The following SLC35G2 variants were observed in gnomAD, a reference collection of about 807,000 sequenced individuals.
SLC35G2 encodes the protein solute carrier family 35 member G2.
Under a neutral mutation model 27.2 loss-of-function variants are expected in SLC35G2, and 20 were observed. That is an observed-to-expected ratio of 0.74 (90% CI 0.52 to 1.07). The LOEUF (loss-of-function observed/expected upper bound fraction) is 1.07, where lower values mean the gene tolerates loss of function less well. Among genes scored for constraint, SLC35G2 ranks in the 50% least tolerant of loss-of-function variants. SLC35G2 has a pLI of 0.00. For missense variants in SLC35G2, 416 were observed against 493.3 expected, an observed-to-expected ratio of 0.84 and a Z score of 1.48; for synonymous variants, 148 against 165.3, an observed-to-expected ratio of 0.90 and a Z score of 0.80.
intron 1 of SLC35G2, among the ~76,000 whole-genome samples, chr3:136,820,761 C>T (rs1016698807): frequency 5.9e-5 from 9 of 152,120 alleles, no homozygotes; most frequent in African/African-American, 2.2e-4. Flanking sequence ...CTCTGCAGAG[C>T]CATTTATTTT....
chr3:136,821,840 C>T (rs1339438298), intron 1 of SLC35G2, among the ~76,000 whole-genome samples: 2 of 152,206 alleles, frequency 1.3e-5, no homozygotes, highest in East Asian at 3.8e-4. Context: ...TCTTGCTTGA[C>T]TGAGACTTTA....
At chr3:136,823,590 C>CT (rs984571962) in intron 1 of SLC35G2, among the ~76,000 whole-genome samples, 11 of 151,436 alleles carry the variant, frequency 7.3e-5, no homozygotes, top group African/African-American at 2.4e-4. Context: ...TTTTCTTTTT[C>CT]TTTTTTTTCT....
At chr3:136,829,366 C>T (rs532148172) in intron 1 of SLC35G2, among the ~76,000 whole-genome samples, 48 of 151,984 alleles carry the variant, frequency 3.2e-4, no homozygotes, top group African/African-American at 9.6e-4. Context: ...GGACTTCAGG[C>T]GGCCGCCACT....
chr3:136,826,878 C>T (rs1440926151), intron 1 of SLC35G2, among the ~76,000 whole-genome samples: 1 of 151,926 alleles, frequency 6.6e-6, no homozygotes, highest in African/African-American at 2.4e-5. Context: ...AGCTCAAGTG[C>T]CTGCCTCACC....
chr3:136,850,794 G>A (rs1430562002), intron 1 of SLC35G2, among the ~76,000 whole-genome samples: 3 of 151,900 alleles, frequency 2.0e-5, no homozygotes, highest in Non-Finnish European at 4.4e-5. Flanking sequence ...AGGAGTTTGA[G>A]ACCATCGTGG....
At chr3:136,848,248 A>T (rs1477866426) in intron 1 of SLC35G2, among the ~76,000 whole-genome samples, 1 of 152,244 alleles carries the variant, frequency 6.6e-6, no homozygotes, top group African/African-American at 2.4e-5. Context: ...AGGGACTTTT[A>T]TCACATCTGC....
intron 1 of SLC35G2, among the ~76,000 whole-genome samples, chr3:136,826,545 T>G (rs1293958563): frequency 6.6e-6 from 1 of 152,236 alleles, no homozygotes; most frequent in Non-Finnish European, 1.5e-5. Flanking sequence ...ATTTTCCAAT[T>G]TATTGGCATA....
intron 1 of SLC35G2, among the ~76,000 whole-genome samples, chr3:136,828,621 G>A (rs898391824): frequency 7.9e-5 from 12 of 152,148 alleles, no homozygotes; most frequent in Non-Finnish European, 1.8e-4. Flanking sequence ...TTTGGTCTAT[G>A]TGTCTCTTTA....
In SLC35G2 at chr3:136,854,470, T is replaced by G. The variant is rs766924146; in HGVS notation, c.10T>G (p.Ser4Ala). Residue 4 changes from serine (S) to alanine (A), a missense_variant, in exon 2 of 2, where the codon TCT (serine) becomes GCT (alanine). Coordinates refer to ENST00000446465, the MANE Select transcript of SLC35G2 (RefSeq NM_025246.3). ...TTGATTATCTGAAGAAATGGATACT[T>G]CTCCCTCCAGAAAATATCCAGTTAA... MDTSPSRKYPVKKR... is the reference protein window; with the variant it reads MDTAPSRKYPVKKR... 1 of 1,576,008 alleles carries G rather than the reference T, an allele frequency of 6.3e-7. No individual in the cohort carries two copies. The highest frequency in any genetic ancestry group is 8.6e-7 in the Non-Finnish European group (1 of 1,161,076).
chr3:136,826,960 T>C (rs1936599669), intron 1 of SLC35G2, among the ~76,000 whole-genome samples: 2 of 65,988 alleles, frequency 3.0e-5, no homozygotes. Flanking sequence ...ATTTGGATCT[T>C]CTCTCTTTTT....
At chr3:136,850,619 A>G (rs1654075884) in intron 1 of SLC35G2, among the ~76,000 whole-genome samples, 1 of 152,120 alleles carries the variant, frequency 6.6e-6, no homozygotes, top group Non-Finnish European at 1.5e-5. Flanking sequence ...TTGTTCTGAG[A>G]ATTAGTAAAA....
rs764013927 is a variant in SLC35G2 at position 136,855,166 on chromosome 3, G to C, written c.706G>C (p.Val236Leu). ...TTGCAGCATCTTAGGTGTTTGTCTT[G>C]TCATGATCCCAAACATTGTTGATGA... ...VVCSILGVCL[V>L]MIPNIVDEDN... The change falls in exon 2 of 2, where the codon GTC becomes CTC. Residue 236 changes from valine (V) to leucine (L), a missense_variant. Val to Leu is a conservative substitution (Grantham distance 32, BLOSUM62 1). Coordinates refer to ENST00000446465, the MANE Select transcript of SLC35G2 (RefSeq NM_025246.3). 3 of 1,614,120 alleles carry C rather than the reference G, an allele frequency of 1.9e-6. No individual in the cohort carries two copies. The South Asian group carries it at 3.3e-5, about 18-fold the overall frequency.
chr3:136,841,866 G>T (rs983749285), intron 1 of SLC35G2: 1 of 152,090 alleles, frequency 6.6e-6, no homozygotes, highest in Admixed American at 6.6e-5. Context: ...CACAAATCGT[G>T]TGGAAAAACC....
At chr3:136,831,520 G>T (rs1316410551) in intron 1 of SLC35G2, among the ~76,000 whole-genome samples, 1 of 152,208 alleles carries the variant, frequency 6.6e-6, no homozygotes, top group Non-Finnish European at 1.5e-5. Context: ...CAATGATACA[G>T]TATGTCAAGG....
rs534291625 is a variant in SLC35G2 at position 136,853,254 on chromosome 3, C to T, written c.-18-1189C>T. Among the ~76,000 whole-genome samples, 104 of 152,178 alleles carry T rather than the reference C, an allele frequency of 6.8e-4. 1 individual carries two copies. In the South Asian group the frequency reaches 0.021, roughly 31 times the overall value. On this transcript the variant is annotated intron_variant, in intron 1 of 1. Transcript: ENST00000446465. Reference sequence around the variant, plus strand: ...GGAATTACAGACACATACCACCAGGCCCGGCTAAATTTAGTATTTTTAGTA... The same window carrying T: ...GGAATTACAGACACATACCACCAGGTCCGGCTAAATTTAGTATTTTTAGTA...
chr3:136,827,134 G>A (rs1272356104), intron 1 of SLC35G2, among the ~76,000 whole-genome samples: 2 of 150,080 alleles, frequency 1.3e-5, no homozygotes, highest in Non-Finnish European at 3.0e-5. Context: ...CCAACTTTTT[G>A]TTTGAGTGAC....
chr3:136,844,158 C>T (rs1360051586), intron 1 of SLC35G2, among the ~76,000 whole-genome samples: 2 of 152,080 alleles, frequency 1.3e-5, no homozygotes, highest in Admixed American at 6.5e-5. Flanking sequence ...CGCCACTGCA[C>T]TCCAGCCTGG....
At chr3:136,851,750 G>C (rs1462723994) in intron 1 of SLC35G2, among the ~76,000 whole-genome samples, 1 of 152,128 alleles carries the variant, frequency 6.6e-6, no homozygotes, top group Non-Finnish European at 1.5e-5. Context: ...GTAGGTTCTT[G>C]AATGGGGAAA....
rs966918693 is a variant in SLC35G2, at chr3:136,844,577, T to C, written c.-18-9866T>C. Among the ~76,000 whole-genome samples, 6 of 151,416 alleles carry C rather than the reference T, an allele frequency of 4.0e-5. No individual in the cohort carries two copies. In the East Asian group the frequency reaches 5.8e-4, roughly 15 times the overall value. The stretch of plus-strand genomic sequence containing the variant: ...ACTTTGGGAGGCCCAGGCTGACTGA[T>C]TGCATGAGGCCGTGAGTTTGAGACC... On this transcript the variant is annotated intron_variant, in intron 1 of 1. Coordinates refer to ENST00000446465, the MANE Select transcript of SLC35G2 (RefSeq NM_025246.3).
Sources: allele counts gnomAD v4.1 joint callset (sites outside exome capture counted in the v4.1 genomes callset), GRCh38; gene constraint gnomAD v4.1.1; transcripts MANE v1.5; gene names NCBI Gene and HGNC (gene_info 2026-07-23, HGNC 2026-07-21).